CTNNA3: variants seen among roughly 807,000 people sequenced by gnomAD.
CTNNA3 encodes catenin alpha 3.
A neutral mutation model predicts 95.7 loss-of-function variants in CTNNA3; 76 were observed. The ratio of observed to expected loss-of-function variants is 0.79; its 90% CI spans 0.66 to 0.96. CTNNA3 has a LOEUF of 0.96. Ranked by LOEUF, CTNNA3 falls within the 40% of genes least tolerant of loss-of-function variation. The pLI, the probability that CTNNA3 is intolerant of heterozygous loss-of-function variation, is 0.00. For missense variants in CTNNA3, 1,191 were observed against 1,089.8 expected, an observed-to-expected ratio of 1.09 and a Z score of -1.31; for synonymous variants, 431 against 374.4, an observed-to-expected ratio of 1.15 and a Z score of -1.74.
intron 13 of CTNNA3, among the ~76,000 whole-genome samples, chr10:66,264,691 A>G (rs1402992811): frequency 6.6e-6 from 1 of 151,996 alleles, no homozygotes; most frequent in Admixed American, 6.6e-5. Context: ...TGTAACTACT[A>G]TATCGGACAG....
At chr10:66,847,609 A>G (rs1843329418) in intron 7 of CTNNA3, among the ~76,000 whole-genome samples, 1 of 152,194 alleles carries the variant, frequency 6.6e-6, no homozygotes, top group African/African-American at 2.4e-5. Context: ...TGTGAAGAAT[A>G]TATTAGGATA....
At chr10:67,281,554 T>A (rs1839402100) in intron 5 of CTNNA3, among the ~76,000 whole-genome samples, 1 of 152,168 alleles carries the variant, frequency 6.6e-6, no homozygotes, top group Non-Finnish European at 1.5e-5. Flanking sequence ...ATATATATGA[T>A]GGTTTATAAT....
intron 11 of CTNNA3, among the ~76,000 whole-genome samples, chr10:66,500,772 G>A (rs2441749): frequency 0.69 from 104,827 of 151,908 alleles, 36,643 homozygotes; most frequent in East Asian, 0.9. Context: ...TTACAACTGT[G>A]CCTGAAAACT....
chr10:66,338,020 A>G (rs1477803664), intron 12 of CTNNA3, among the ~76,000 whole-genome samples: 1 of 152,094 alleles, frequency 6.6e-6, no homozygotes, highest in Admixed American at 6.5e-5. Flanking sequence ...AGCATTATTT[A>G]TAAGAGCCTA....
At chr10:67,449,946 C>T (rs559973482) in intron 5 of CTNNA3, among the ~76,000 whole-genome samples, 1 of 151,962 alleles carries the variant, frequency 6.6e-6, no homozygotes, top group South Asian at 2.1e-4. Context: ...AACAAATTTA[C>T]AAGAAAAAAC....
intron 1 of CTNNA3, among the ~76,000 whole-genome samples, chr10:67,678,603 A>G (rs1840573624): frequency 6.6e-6 from 1 of 152,206 alleles, no homozygotes; most frequent in Non-Finnish European, 1.5e-5. Flanking sequence ...AAGAAAGAAA[A>G]CACAAAGCAA....
chr10:66,937,176 T>C (rs1847755027), intron 7 of CTNNA3, among the ~76,000 whole-genome samples: 1 of 152,126 alleles, frequency 6.6e-6, no homozygotes, highest in African/African-American at 2.4e-5. Flanking sequence ...CAGAAAGAAC[T>C]TGGACTATGG....
intron 9 of CTNNA3, among the ~76,000 whole-genome samples, chr10:66,736,303 A>C (rs543867830): frequency 1.1e-3 from 161 of 151,656 alleles, no homozygotes; most frequent in African/African-American, 3.7e-3. Context: ...CTCCTGCCTC[A>C]GCCTCCCGAG....
At chr10:66,370,706 T>C (rs2092747471) in intron 12 of CTNNA3, among the ~76,000 whole-genome samples, 1 of 152,032 alleles carries the variant, frequency 6.6e-6, no homozygotes, top group Admixed American at 6.6e-5. Flanking sequence ...GCAAACATTA[T>C]GATTTTATTT....
intron 15 of CTNNA3, among the ~76,000 whole-genome samples, chr10:65,997,600 TC>T (rs753004942): frequency 6.6e-6 from 1 of 152,200 alleles, no homozygotes; most frequent in Non-Finnish European, 1.5e-5. Flanking sequence ...GGATGGAAAG[TC>T]TAAACTCAGA....
At chr10:66,324,769 G>A (rs2092233745) in intron 12 of CTNNA3, among the ~76,000 whole-genome samples, 1 of 151,984 alleles carries the variant, frequency 6.6e-6, no homozygotes, top group Non-Finnish European at 1.5e-5. Context: ...CATGCCGGTT[G>A]GCCTTCAGTT....
intron 13 of CTNNA3, among the ~76,000 whole-genome samples, chr10:66,155,920 A>T (rs916335531): frequency 2.6e-5 from 4 of 151,864 alleles, no homozygotes; most frequent in African/African-American, 7.2e-5. Context: ...CTCAAAAAAA[A>T]TCAGTAAGGA....
At chr10:66,226,554 C>A (rs1262005697) in intron 13 of CTNNA3, among the ~76,000 whole-genome samples, 1 of 149,198 alleles carries the variant, frequency 6.7e-6, no homozygotes, top group South Asian at 2.1e-4. Context: ...TGGTTCCATA[C>A]AAATTTTAGG....
rs60622354 is a variant in CTNNA3, at chr10:67,013,208, C to G, written c.1047+167109G>C. On this transcript the variant is annotated intron_variant, in intron 7 of 17. Transcript: ENST00000433211. ...GAACCTGACTCAAATTCAGATCTGT[C>G]AAATGCATCTGGTGTCTGTCCTTAA... Among the ~76,000 whole-genome samples, 225 of 151,584 alleles carry G rather than the reference C, an allele frequency of 1.5e-3. 1 individual carries two copies. Among genetic ancestry groups the G allele is most frequent in the African/African-American group, 5.2e-3 (213 of 40,954 alleles).
chr10:66,683,203 A>G (rs1363021994), intron 9 of CTNNA3, among the ~76,000 whole-genome samples: 1 of 152,192 alleles, frequency 6.6e-6, no homozygotes, highest in Non-Finnish European at 1.5e-5. Flanking sequence ...TATTCAAACA[A>G]CTGTGTGTGG....
intron 7 of CTNNA3, among the ~76,000 whole-genome samples, chr10:66,926,757 A>C (rs556485981): frequency 6.6e-6 from 1 of 152,226 alleles, no homozygotes; most frequent in Non-Finnish European, 1.5e-5. Flanking sequence ...TAAAAAAACA[A>C]AACACTAAAG....
chr10:66,198,767 A>G (rs1010806488), intron 13 of CTNNA3, among the ~76,000 whole-genome samples: 4 of 152,346 alleles, frequency 2.6e-5, no homozygotes, highest in Non-Finnish European at 5.9e-5. Flanking sequence ...ATAATTATAT[A>G]CAATGTACTT....
At chr10:67,123,962 T>A (rs867496910) in intron 7 of CTNNA3, among the ~76,000 whole-genome samples, 1 of 152,118 alleles carries the variant, frequency 6.6e-6, no homozygotes, top group Non-Finnish European at 1.5e-5. Context: ...ATTACACATA[T>A]ACACATACAC....
intron 12 of CTNNA3, among the ~76,000 whole-genome samples, chr10:66,375,210 T>A (rs904668538): frequency 6.7e-6 from 1 of 149,930 alleles, no homozygotes; most frequent in Non-Finnish European, 1.5e-5. Context: ...TTGTGGAAGG[T>A]GCCTTTTGGC....
Sources: gnomAD v4.1 joint callset for allele counts (sites outside exome capture counted in the v4.1 genomes callset) on GRCh38, gnomAD v4.1.1 for gene constraint, MANE v1.5 for transcripts, NCBI Gene and HGNC (gene_info 2026-07-23, HGNC 2026-07-21) for gene names.